ENTREP2: variants seen among roughly 807,000 people sequenced by gnomAD.
ENTREP2 encodes the protein endosomal transmembrane epsin interactor 2, also known as protein ENTREP2.
chr15:29,174,666 G>A, the ENTREP2 span, among the ~76,000 whole-genome samples: 9 of 150,786 alleles, frequency 6.0e-5, no homozygotes, highest in East Asian at 1.6e-3. Flanking sequence ...CTCTAGCCTG[G>A]GCGACAGAGT....
the ENTREP2 span, among the ~76,000 whole-genome samples, chr15:29,249,776 C>T: frequency 6.6e-6 from 1 of 152,042 alleles, no homozygotes; most frequent in Non-Finnish European, 1.5e-5. Context: ...GTTTAACTGG[C>T]TCATGCAGGC....
At chr15:29,280,852 C>T in the ENTREP2 span, among the ~76,000 whole-genome samples, 41 of 152,272 alleles carry the variant, frequency 2.7e-4, no homozygotes, top group African/African-American at 9.4e-4. Flanking sequence ...ATGGATAAAC[C>T]GGGGCATCCT....
At chr15:29,302,728 A>G in the ENTREP2 span, among the ~76,000 whole-genome samples, 1 of 152,218 alleles carries the variant, frequency 6.6e-6, no homozygotes, top group Non-Finnish European at 1.5e-5. Context: ...GCAAGAAAGA[A>G]GAACGGTTTT....
the ENTREP2 span, among the ~76,000 whole-genome samples, chr15:29,528,089 T>C: frequency 6.6e-6 from 1 of 152,120 alleles, no homozygotes; most frequent in East Asian, 1.9e-4. Flanking sequence ...ACAAACTCCA[T>C]GATCCTTGCC....
the ENTREP2 span, among the ~76,000 whole-genome samples, chr15:29,626,173 T>C: frequency 6.6e-6 from 1 of 152,196 alleles, no homozygotes; most frequent in East Asian, 1.9e-4. Flanking sequence ...TCTGTGTTGA[T>C]CTTGTATCTT....
chr15:29,667,480 G>C, the ENTREP2 span, among the ~76,000 whole-genome samples: 16 of 143,826 alleles, frequency 1.1e-4, no homozygotes, highest in African/African-American at 3.4e-4. Context: ...GAGCCACTGC[G>C]CCTGGCCTTT....
chr15:29,306,026 T>C, the ENTREP2 span, among the ~76,000 whole-genome samples: 1 of 152,242 alleles, frequency 6.6e-6, no homozygotes, highest in African/African-American at 2.4e-5. Flanking sequence ...GTTTCAAATG[T>C]TGCTGTGGGG....
the ENTREP2 span, among the ~76,000 whole-genome samples, chr15:29,632,460 T>A: frequency 6.6e-6 from 1 of 152,172 alleles, no homozygotes; most frequent in Admixed American, 6.5e-5. Context: ...AAATGTCTTA[T>A]AACCTGTTTA....
chr15:29,258,212 C>CAAAAAAAAAAAAAAAAAA, the ENTREP2 span, among the ~76,000 whole-genome samples: 1 of 118,340 alleles, frequency 8.5e-6, no homozygotes, highest in Admixed American at 9.1e-5. Context: ...GGCTCAGTCT[C>CAAAAAAAAAAAAAAAAAA]AAAAAAAAAA....
At chr15:29,210,527 T>C in the ENTREP2 span, among the ~76,000 whole-genome samples, 1 of 152,220 alleles carries the variant, frequency 6.6e-6, no homozygotes, top group Non-Finnish European at 1.5e-5. Flanking sequence ...GCGATTCCTA[T>C]TGTGAACTGT....
chr15:29,381,840 A>G, the ENTREP2 span: 1 of 1,551,606 alleles, frequency 6.4e-7, no homozygotes, highest in South Asian at 1.2e-5. Flanking sequence ...ACCTGGAAGG[A>G]CAAAAGATAC....
At chr15:29,188,844 T>C in the ENTREP2 span, among the ~76,000 whole-genome samples, 1 of 152,178 alleles carries the variant, frequency 6.6e-6, no homozygotes, top group African/African-American at 2.4e-5. Flanking sequence ...TAAAAATCGA[T>C]CCTGCCTACA....
At chr15:29,319,113 G>C in the ENTREP2 span, among the ~76,000 whole-genome samples, 1 of 152,222 alleles carries the variant, frequency 6.6e-6, no homozygotes, top group Non-Finnish European at 1.5e-5. Context: ...AGCCCTGAGA[G>C]GAAGTGCCAG....
chr15:29,646,513 C>T, the ENTREP2 span, among the ~76,000 whole-genome samples: 1 of 152,154 alleles, frequency 6.6e-6, no homozygotes, highest in Admixed American at 6.6e-5. Flanking sequence ...TCAGTTCCTT[C>T]TTGTGGTTGG....
At chr15:29,604,475 C>T in the ENTREP2 span, among the ~76,000 whole-genome samples, 12 of 152,224 alleles carry the variant, frequency 7.9e-5, no homozygotes, top group Non-Finnish European at 4.4e-5. Flanking sequence ...TTAATTTCTA[C>T]GTAGATACCA....
chr15:29,221,073 A>G, the ENTREP2 span, among the ~76,000 whole-genome samples: 1 of 152,196 alleles, frequency 6.6e-6, no homozygotes, highest in Non-Finnish European at 1.5e-5. Flanking sequence ...AACTCCTGCC[A>G]AGAAGGAAAT....
chr15:29,671,967 C>T, the ENTREP2 span, among the ~76,000 whole-genome samples: 2 of 152,242 alleles, frequency 1.3e-5, no homozygotes, highest in African/African-American at 2.4e-5. Flanking sequence ...TGGAAGGAGA[C>T]GGTTTACTGC....
At chr15:29,546,916 C>T in the ENTREP2 span, among the ~76,000 whole-genome samples, 57,431 of 137,200 alleles carry the variant, frequency 0.42, 12,893 homozygotes, top group African/African-American at 0.57. Context: ...AAAAAAAAAA[C>T]GGATACAATT....
the ENTREP2 span, among the ~76,000 whole-genome samples, chr15:29,477,777 AGGGGGTG>A: frequency 6.6e-6 from 1 of 151,748 alleles, no homozygotes; most frequent in East Asian, 1.9e-4. Flanking sequence ...CCACTTGGGG[AGGGGGTG>A]GGTGTACTTC....
Sources: allele counts gnomAD v4.1 joint callset (sites outside exome capture counted in the v4.1 genomes callset), GRCh38; gene constraint gnomAD v4.1.1; transcripts MANE v1.5; gene names NCBI Gene and HGNC (gene_info 2026-07-23, HGNC 2026-07-21).